Variants in ZZEF1 observed in about 807,000 individuals in gnomAD.
ZZEF1 encodes the protein zinc finger ZZ-type and EF-hand domain-containing protein 1.
Under a neutral mutation model 342.8 loss-of-function variants are expected in ZZEF1, and 157 were observed. That is an observed-to-expected ratio of 0.46 (90% CI 0.40 to 0.52). The LOEUF is 0.52. ZZEF1 is among the 20% of genes least tolerant of loss of function. The probability of loss-of-function intolerance (pLI) is 0.00; values close to 1 mark genes in which losing one functional copy is unlikely to be tolerated. For synonymous variants in ZZEF1, 1,505 were observed against 1,429.1 expected, an observed-to-expected ratio of 1.05 and a Z score of -1.20; for missense variants, 3,480 against 3,725.6, an observed-to-expected ratio of 0.93 and a Z score of 1.72.
chr17:4,089,018 C>G, intron 12 of ZZEF1, 125 bp from the exon 13 acceptor site: 1 of 780,792 alleles, frequency 1.3e-6, no homozygotes, highest in East Asian at 2.7e-5. Context: ...AAACATTATG[C>G]TCAGCACTAG....
intron 19 of ZZEF1, 134 bp from the exon 20 acceptor site, chr17:4,077,123 A>G: frequency 1.3e-6 from 1 of 788,230 alleles, no homozygotes; most frequent in Non-Finnish European, 1.8e-6. Flanking sequence ...AAGGCCAGCA[A>G]GTGCCGTCCT....
chr17:4,011,483 C>G (rs1342472850), intron 52 of ZZEF1, among the ~76,000 whole-genome samples: 1 of 151,348 alleles, frequency 6.6e-6, no homozygotes, highest in Non-Finnish European at 1.5e-5. Context: ...TGCAAGGTTG[C>G]TCAGGCAGAA....
intron 27 of ZZEF1, 41 bp downstream of exon 27, chr17:4,067,122 A>C: frequency 6.5e-7 from 1 of 1,544,370 alleles, no homozygotes; most frequent in Non-Finnish European, 8.9e-7. Context: ...CACGGTAGAA[A>C]ACCTAAAATA....
chr17:4,016,599 C>T lies in ZZEF1; in HGVS notation c.8002-133G>A. The T allele has an allele frequency of 9.9e-7, 1 of 1,005,642 alleles. No homozygotes were observed. The highest frequency in any genetic ancestry group is 1.4e-6 in the Non-Finnish European group (1 of 707,734). 62.3% of individuals were successfully genotyped at this position (1,005,642 alleles called of 1,614,324 possible). ...CCTAGGACGAGCCTCTGTGACTCCA[C>T]CACCCAAAACCAACTCCACCAGCCA... On this transcript the variant is annotated intron_variant, in intron 48 of 54. Transcript: ENST00000381638. This position sits in a 1 kb window ranked among gnomAD's most constrained non-coding sequence, Gnocchi z 4.4.
chr17:4,112,343 A>G (rs957198208), intron 5 of ZZEF1, among the ~76,000 whole-genome samples: 1 of 151,584 alleles, frequency 6.6e-6, no homozygotes, highest in Non-Finnish European at 1.5e-5. Flanking sequence ...ACAGGGTTTC[A>G]CCATGTTGGC....
At chr17:4,046,318 C>T (rs550823772) in intron 37 of ZZEF1, among the ~76,000 whole-genome samples, 1 of 152,210 alleles carries the variant, frequency 6.6e-6, no homozygotes, top group Non-Finnish European at 1.5e-5. Context: ...CACTCAGAAT[C>T]CCCCCAGTGA....
Position 4,025,085 on chromosome 17 carries a change from C to T in ZZEF1, c.6926G>A (p.Gly2309Glu), listed in dbSNP as rs149246030. 190 of 1,614,118 alleles carry T rather than the reference C, an allele frequency of 1.2e-4. No individual in the cohort carries two copies. Among genetic ancestry groups the T allele is most frequent in the South Asian group, 7.8e-4 (71 of 91,080 alleles). ...GGCCCGAGAGTCACCACACTCTTGTCCTCCTCCCTTCTGGACCAGCTGGTA... is the reference window on the plus strand; with the variant it reads ...GGCCCGAGAGTCACCACACTCTTGTTCTCCTCCCTTCTGGACCAGCTGGTA... ...KDYQLVQKGG[G>E]QECGDSRAQL... The change falls in exon 43 of 55, where the codon GGA becomes GAA. Residue 2309 changes from glycine (G) to glutamate (E), a missense_variant. Physicochemically the swap from Gly to Glu is moderately conservative, Grantham distance 98. Around this residue, in one of 5 missense-constraint regions of ZZEF1, gnomAD observed 1,269 missense variants for 1,342.4 expected, o/e 0.95. Transcript: ENST00000381638.
In ZZEF1 at chr17:4,014,919, T is replaced by TG. The variant is rs1370723593; in HGVS notation, c.8146-405dup. 6.6e-6 allele frequency among the ~76,000 whole-genome samples: 1 copy of TG among 152,074 alleles called. No homozygotes were observed. The highest frequency in any genetic ancestry group is 2.4e-5 in the African/African-American group (1 of 41,416). ...AGCTTGGCGTGTTTGGAGTAAAGGG[T>TG]GTGCTACATGGGCACGTATGCTTGG... On this transcript the variant is annotated intron_variant, in intron 49 of 54. Coordinates refer to ENST00000381638, the MANE Select transcript of ZZEF1 (RefSeq NM_015113.4). The surrounding 1 kb of genome is among the most constrained non-coding windows in gnomAD (Gnocchi z 4.4).
chr17:4,081,898 G>C (rs1333333229), intron 17 of ZZEF1, among the ~76,000 whole-genome samples: 2 of 152,218 alleles, frequency 1.3e-5, no homozygotes, highest in African/African-American at 4.8e-5. Flanking sequence ...ATTTTAAACA[G>C]ACAGCCCTCT....
rs756072923 is a variant in ZZEF1, at chr17:4,017,546, C to A, written c.7826G>T (p.Arg2609Leu). ...SKRAVRDYLF[R>L]VNEATAVLYA... ...CAGGACAGCTGTGGCCTCGTTCACT[C>A]GGAAGAGGTAGTCCCGGACAGCCCT... Residue 2609 changes from arginine (R) to leucine (L), a missense_variant, in exon 48 of 55, where the codon CGA becomes CTA. Physicochemically the swap from Arg to Leu is moderately radical, Grantham distance 102 (BLOSUM62 -2). Coordinates refer to ENST00000381638, the MANE Select transcript of ZZEF1 (RefSeq NM_015113.4). The surrounding 1 kb of genome is among the most constrained non-coding windows in gnomAD (Gnocchi z 5.1). The A allele has an allele frequency of 6.2e-7, 1 of 1,614,128 alleles. No individual in the cohort carries two copies.
At chr17:4,105,208 A>G (rs1318134294) in intron 7 of ZZEF1, among the ~76,000 whole-genome samples, 2 of 152,236 alleles carry the variant, frequency 1.3e-5, no homozygotes, top group South Asian at 4.1e-4. Flanking sequence ...TGAAACGTTA[A>G]AAACTGTCTA....
intron 40 of ZZEF1, 176 bp from the exon 41 acceptor site, chr17:4,033,178 A>G (rs932570445): frequency 1.7e-6 from 1 of 603,776 alleles, no homozygotes; most frequent in Non-Finnish European, 2.8e-6. Context: ...AAACAAAATC[A>G]AGACTTGTTA....
intron 3 of ZZEF1, 87 bp from the exon 4 acceptor site, chr17:4,114,557 C>G (rs759698881): frequency 1.7e-5 from 19 of 1,125,356 alleles, no homozygotes; most frequent in Non-Finnish European, 2.1e-5. Flanking sequence ...CAGAAATACG[C>G]TTGGTACTCT....
rs571534537 is a variant in ZZEF1 at position 4,081,811 on chromosome 17, C to T, written c.2715-321G>A. Among the ~76,000 whole-genome samples, 10 of 148,760 alleles carry T rather than the reference C, an allele frequency of 6.7e-5. No homozygotes were observed. In the South Asian group the frequency reaches 8.5e-4, roughly 13 times the overall value. On this transcript the variant is annotated intron_variant, in intron 17 of 54. Transcript: ENST00000381638. The stretch of plus-strand genomic sequence containing the variant: ...TGCTAGCTTCAAAGTCCTGGCTAAA[C>T]GTTCCTTGTGTCTTCACATGTCTTC...
At chr17:4,066,812 G>A (rs1227570467) in intron 27 of ZZEF1, among the ~76,000 whole-genome samples, 1 of 129,260 alleles carries the variant, frequency 7.7e-6, no homozygotes, top group Non-Finnish European at 1.6e-5. Flanking sequence ...CATAAACCCA[G>A]TCTGCTGCAG....
At chr17:4,060,984 T>C (rs1309895881) in intron 30 of ZZEF1, among the ~76,000 whole-genome samples, 1 of 152,206 alleles carries the variant, frequency 6.6e-6, no homozygotes, top group Non-Finnish European at 1.5e-5. Context: ...TACATCTCTT[T>C]GAAACCCTCA....
Position 4,050,978 on chromosome 17 carries a change from C to T in ZZEF1, c.5666G>A (p.Arg1889Lys), listed in dbSNP as rs1428798193. The T allele has an allele frequency of 6.2e-7, 1 of 1,614,206 alleles. No individual in the cohort carries two copies. The highest frequency in any genetic ancestry group is 8.5e-7 in the Non-Finnish European group (1 of 1,180,038). ...MVTIRISDRQ[R>K]LIQPYIHNYS... ...GTTATGGATATATGGCTGGATGAGC[C>T]TCTGCCGGTCACTGATCCGAATGGT... is the stretch of plus-strand genomic sequence containing the variant. The change falls in exon 36 of 55, where the codon AGG becomes AAG. Residue 1889 changes from arginine to lysine, a missense_variant. Transcript: ENST00000381638.
Position 4,042,422 on chromosome 17 carries a change from C to T in ZZEF1, c.6306+7G>A, listed in dbSNP as rs2056822196. The T allele has an allele frequency of 6.2e-7, 1 of 1,607,760 alleles. No homozygotes were observed. The highest frequency in any genetic ancestry group is 8.5e-7 in the Non-Finnish European group (1 of 1,177,882). On this transcript the variant is annotated splice_region_variant and intron_variant, in intron 39 of 54. Coordinates refer to ENST00000381638, the MANE Select transcript of ZZEF1 (RefSeq NM_015113.4). ...CACCCCCACTTTTAAAAATAAATTG[C>T]CCTTACCGACTTTAAGGGAGGTAAC...
intron 39 of ZZEF1, among the ~76,000 whole-genome samples, chr17:4,034,926 A>G (rs1472271328): frequency 6.6e-6 from 1 of 152,212 alleles, no homozygotes; most frequent in Admixed American, 6.5e-5. Context: ...TGAGCCCAGG[A>G]GGTGGAGGCT....
Sources: allele counts gnomAD v4.1 joint callset (sites outside exome capture counted in the v4.1 genomes callset), GRCh38; gene constraint gnomAD v4.1.1; regional missense constraint gnomAD v4.1.1; non-coding constraint Gnocchi (gnomAD v3.1); transcripts MANE v1.5; gene names NCBI Gene and HGNC (gene_info 2026-07-23, HGNC 2026-07-21).